DNAH9: variants seen among roughly 807,000 people sequenced by gnomAD.
DNAH9 encodes the protein DNAH9 variant protein.
A neutral mutation model predicts 471.6 loss-of-function variants in DNAH9; 345 were observed. The observed-to-expected ratio is 0.73, with a 90% confidence interval of 0.67 to 0.80. DNAH9 has a LOEUF of 0.80. Among genes scored for constraint, DNAH9 ranks in the 30% least tolerant of loss-of-function variants. The pLI, the probability that DNAH9 is intolerant of heterozygous loss-of-function variation, is 0.00. For missense variants in DNAH9, 5,407 were observed against 5,609.2 expected (o/e 0.96, Z 1.15); for synonymous variants, 2,093 against 2,123.6 (o/e 0.99, Z 0.40).
At chr17:11,868,126 A>G (rs1480005066) in intron 50 of DNAH9, among the ~76,000 whole-genome samples, 2 of 152,156 alleles carry the variant, frequency 1.3e-5, no homozygotes. Flanking sequence ...GGCCCTCACC[A>G]ATTTGCTTGG....
At chr17:11,906,659 C>CAT (rs1973613046) in intron 61 of DNAH9, among the ~76,000 whole-genome samples, 1 of 149,852 alleles carries the variant, frequency 6.7e-6, no homozygotes, top group Non-Finnish European at 1.5e-5. Context: ...AAATGTGATA[C>CAT]ATATATACCA....
intron 37 of DNAH9, 98 bp downstream of exon 37, chr17:11,768,724 C>T: frequency 3.5e-6 from 5 of 1,438,724 alleles, no homozygotes; most frequent in Admixed American, 2.0e-5. Flanking sequence ...GAGCATTTGT[C>T]CTTGCTAGGA....
At chr17:11,803,763 A>G (rs2150920715) in intron 43 of DNAH9, among the ~76,000 whole-genome samples, 1 of 152,334 alleles carries the variant, frequency 6.6e-6, no homozygotes, top group East Asian at 1.9e-4. Context: ...CCTTCAGAAT[A>G]GGGCTGGGGG....
chr17:11,709,340 T>C (rs993094901), intron 26 of DNAH9, among the ~76,000 whole-genome samples: 8 of 152,234 alleles, frequency 5.3e-5, no homozygotes, highest in East Asian at 1.9e-4. Flanking sequence ...TGAATACTTA[T>C]ATGGCAAATT....
intron 61 of DNAH9, among the ~76,000 whole-genome samples, chr17:11,907,457 T>TG (rs2151017057): frequency 8.3e-6 from 1 of 120,518 alleles, no homozygotes; most frequent in African/African-American, 3.1e-5. Context: ...GCAACAAGAG[T>TG]GAAAAAAAAA....
intron 7 of DNAH9, among the ~76,000 whole-genome samples, chr17:11,629,895 C>T (rs1392851618): frequency 6.6e-6 from 1 of 152,212 alleles, no homozygotes; most frequent in East Asian, 1.9e-4. Context: ...GCGGTGGCCA[C>T]CCTGTGGCTT....
chr17:11,950,028 G>A (rs186420454), intron 67 of DNAH9, among the ~76,000 whole-genome samples: 155 of 152,254 alleles, frequency 1.0e-3, no homozygotes, highest in African/African-American at 3.7e-3. Flanking sequence ...GATTTCTGAA[G>A]GGTGTTAAAA....
chr17:11,599,313 A>C (rs1801912073), intron 1 of DNAH9, among the ~76,000 whole-genome samples: 1 of 152,020 alleles, frequency 6.6e-6, no homozygotes, highest in Non-Finnish European at 1.5e-5. Flanking sequence ...CCTCCTGTAA[A>C]TTGGAAAGAT....
chr17:11,604,632 A>G (rs2072460817), intron 1 of DNAH9, among the ~76,000 whole-genome samples: 1 of 152,084 alleles, frequency 6.6e-6, no homozygotes. Flanking sequence ...TCCTCCCCAC[A>G]TCAGTTGACA....
At position 11,763,798 on chromosome 17, in the gene DNAH9, G is replaced by T. The variant is rs541965540; in HGVS notation, c.7170+184G>T. On this transcript the variant is annotated intron_variant, in intron 36 of 68. Coordinates refer to ENST00000262442, the MANE Select transcript of DNAH9 (RefSeq NM_001372.4). ...AGTTGTCCTAGCCAGACCTCATAGG[G>T]TGAGATACATGAGGTCGTGGTGTGT... Among the ~76,000 whole-genome samples, 8 of 152,288 alleles carry T rather than the reference G, an allele frequency of 5.3e-5. No homozygotes were observed. The East Asian group carries it at 1.5e-3, about 29-fold the overall frequency.
chr17:11,843,374 C>T (rs1971095718), intron 49 of DNAH9, among the ~76,000 whole-genome samples: 1 of 151,904 alleles, frequency 6.6e-6, no homozygotes, highest in Non-Finnish European at 1.5e-5. Flanking sequence ...AAATAACAAC[C>T]AAAACATATG....
intron 14 of DNAH9, among the ~76,000 whole-genome samples, chr17:11,661,513 T>C (rs1358284861): frequency 6.6e-6 from 1 of 152,182 alleles, no homozygotes; most frequent in Non-Finnish European, 1.5e-5. Flanking sequence ...TGCTCTTCCA[T>C]TGTCACCTGC....
Position 11,834,621 on chromosome 17 carries a change from G to T in DNAH9, c.9247-17G>T. The T allele has an allele frequency of 6.2e-7, 1 of 1,612,600 alleles. No individual in the cohort carries two copies. The highest frequency in any genetic ancestry group is 1.3e-5 in the African/African-American group (1 of 74,920). On this transcript the variant is annotated splice_polypyrimidine_tract_variant and intron_variant, in intron 48 of 68. Transcript: ENST00000262442. ...CCAGTCACAACTCCTGATAAGTCCC[G>T]TGCTTCTCCAATGCAGGTGGATGAT...
chr17:11,959,126 T>C (rs1975865061), intron 67 of DNAH9, among the ~76,000 whole-genome samples: 1 of 151,954 alleles, frequency 6.6e-6, no homozygotes, highest in Non-Finnish European at 1.5e-5. Flanking sequence ...TCAAAGGAAA[T>C]GTCAACTTAA....
Position 11,961,102 on chromosome 17 carries a change from G to A in DNAH9, c.12844-765G>A, listed in dbSNP as rs150455405. On this transcript the variant is annotated intron_variant, in intron 67 of 68. Transcript: ENST00000262442. ...GGCTGAGGTGGGCTGATCACTTGAG[G>A]TCAGGAGTTCAAGACCAGCCAGACC... Among the ~76,000 whole-genome samples, 851 of 152,254 alleles carry A rather than the reference G, an allele frequency of 5.6e-3. 8 individuals are homozygous for A. The highest frequency in any genetic ancestry group is 6.5e-3 in the Non-Finnish European group (439 of 68,012).
intron 10 of DNAH9, among the ~76,000 whole-genome samples, chr17:11,644,349 T>A (rs899804787): frequency 1.3e-5 from 2 of 152,086 alleles, no homozygotes; most frequent in Non-Finnish European, 2.9e-5. Context: ...CTCACATACC[T>A]TGTGTGTGAC....
chr17:11,645,247 G>A (rs1567686689), intron 11 of DNAH9, among the ~76,000 whole-genome samples: 1 of 152,174 alleles, frequency 6.6e-6, no homozygotes, highest in African/African-American at 2.4e-5. Context: ...AATGGTGGCC[G>A]TTGAGATTAT....
intron 53 of DNAH9, among the ~76,000 whole-genome samples, chr17:11,875,980 C>T (rs1972464011): frequency 6.6e-6 from 1 of 152,022 alleles, no homozygotes; most frequent in African/African-American, 2.4e-5. Context: ...GGTTTTATCT[C>T]AAATGCCGTC....
intron 17 of DNAH9, among the ~76,000 whole-genome samples, chr17:11,676,644 A>G (rs917065503): frequency 6.6e-6 from 1 of 152,080 alleles, no homozygotes; most frequent in East Asian, 1.9e-4. Flanking sequence ...CAAAAAAACT[A>G]TCTAATAAAC....
Sources: allele counts gnomAD v4.1 joint callset (sites outside exome capture counted in the v4.1 genomes callset), GRCh38; gene constraint gnomAD v4.1.1; transcripts MANE v1.5; gene names NCBI Gene and HGNC (gene_info 2026-07-23, HGNC 2026-07-21).